The following ATP9B variants were observed in gnomAD, a reference collection of about 807,000 sequenced individuals.
The protein encoded by ATP9B is probable phospholipid-transporting ATPase IIB.
A neutral mutation model predicts 146.1 loss-of-function variants in ATP9B; 110 were observed. That is an observed-to-expected ratio of 0.75 (90% confidence interval 0.65 to 0.88). ATP9B has a LOEUF of 0.88. Ranked by LOEUF, ATP9B falls within the 40% of genes least tolerant of loss-of-function variation. ATP9B has a pLI of 0.00. For missense variants in ATP9B, 1,499 were observed against 1,496.4 expected, an observed-to-expected ratio of 1.00 and a Z score of -0.03; for synonymous variants, 604 against 569.7, an observed-to-expected ratio of 1.06 and a Z score of -0.86.
intron 26 of ATP9B, 84 bp from the exon 27 acceptor site, chr18:79,372,740 GA>G: frequency 1.1e-6 from 1 of 905,212 alleles, no homozygotes; most frequent in Non-Finnish European, 1.9e-6. Context: ...GGGTCTTTCA[GA>G]AGTGACCCAT....
chr18:79,289,934 G>A (rs1035924648), intron 13 of ATP9B, among the ~76,000 whole-genome samples: 16 of 152,158 alleles, frequency 1.1e-4, no homozygotes, highest in East Asian at 3.9e-4. Context: ...GCGGATTTTC[G>A]TGAATCGCGA....
At chr18:79,118,389 T>TG (rs1555689294) in intron 4 of ATP9B, among the ~76,000 whole-genome samples, 26 of 108,498 alleles carry the variant, frequency 2.4e-4, no homozygotes, top group South Asian at 1.3e-3. Flanking sequence ...TGAACGTTTT[T>TG]GTTTTTTTTT....
Position 79,377,198 on chromosome 18 carries a change from C to T in ATP9B, c.3308-49C>T, listed in dbSNP as rs200985776. 5.6e-6 allele frequency: 9 copies of T among 1,604,698 alleles called. No individual in the cohort carries two copies. In the African/African-American group the frequency reaches 1.2e-4, roughly 21 times the overall value. ...GTCTGTGGCTGTGGCCATGAGGGCC[C>T]AGGACTTCTTGGTCAGCTCTTACCT... On this transcript the variant is annotated intron_variant, in intron 29 of 29. Transcript: ENST00000426216.
chr18:79,151,881 G>C (rs1475742579), intron 6 of ATP9B, among the ~76,000 whole-genome samples: 1 of 152,150 alleles, frequency 6.6e-6, no homozygotes, highest in East Asian at 1.9e-4. Context: ...TAAACCCAGA[G>C]TGAGCAGGCA....
In ATP9B at chr18:79,336,627, G is replaced by T. The variant is rs2096828658; in HGVS notation, c.2029-1G>T. 1 of 1,613,738 alleles carries T rather than the reference G, an allele frequency of 6.2e-7. No homozygotes were observed. The highest frequency in any genetic ancestry group is 8.5e-7 in the Non-Finnish European group (1 of 1,179,948). ...CTGTGACTCGGCCTCTCCTTTTCCAGTGCGGAAACATGGCTCGCGAAGGAC... is the reference window on the plus strand; with the variant it reads ...CTGTGACTCGGCCTCTCCTTTTCCATTGCGGAAACATGGCTCGCGAAGGAC... On this transcript the variant is annotated splice_acceptor_variant, in intron 17 of 29. Coordinates refer to ENST00000426216, the MANE Select transcript of ATP9B (RefSeq NM_198531.5). LOFTEE classifies it high-confidence loss of function.
At chr18:79,319,577 A>C (rs796917316) in intron 15 of ATP9B, among the ~76,000 whole-genome samples, 10 of 152,122 alleles carry the variant, frequency 6.6e-5, no homozygotes, top group Non-Finnish European at 1.2e-4. Context: ...TTCCTTCCCT[A>C]CGTCTCCACT....
intron 12 of ATP9B, among the ~76,000 whole-genome samples, chr18:79,266,465 G>A (rs915783342): frequency 1.3e-5 from 2 of 151,076 alleles, no homozygotes; most frequent in Non-Finnish European, 1.5e-5. Context: ...CCTTGTTTCT[G>A]CAGCAAAGAT....
chr18:79,118,028 C>T (rs1460093942), intron 4 of ATP9B: 1 of 152,164 alleles, frequency 6.6e-6, no homozygotes, highest in Non-Finnish European at 1.5e-5. Context: ...CATATCAACA[C>T]ATATATCTAC....
chr18:79,080,365 A>G (rs193132196), intron 1 of ATP9B, among the ~76,000 whole-genome samples: 3 of 152,068 alleles, frequency 2.0e-5, no homozygotes, highest in Admixed American at 6.5e-5. Flanking sequence ...CACATCCCTT[A>G]TAAGTTGTAT....
At chr18:79,365,151 C>A (rs940639452) in intron 26 of ATP9B, among the ~76,000 whole-genome samples, 2 of 151,888 alleles carry the variant, frequency 1.3e-5, no homozygotes, top group Admixed American at 6.6e-5. Context: ...ATATAAGAAA[C>A]CCCCAAAATT....
chr18:79,117,724 T>C (rs1347290656), intron 4 of ATP9B: 1 of 152,216 alleles, frequency 6.6e-6, no homozygotes, highest in African/African-American at 2.4e-5. Context: ...CACTGAAGTG[T>C]ATACAACAGA....
At chr18:79,140,377 A>C (rs2094498980) in intron 5 of ATP9B, among the ~76,000 whole-genome samples, 1 of 152,182 alleles carries the variant, frequency 6.6e-6, no homozygotes, top group Non-Finnish European at 1.5e-5. Flanking sequence ...TTCATTTGGA[A>C]TTAGGGAAAT....
intron 29 of ATP9B, 52 bp from the exon 30 acceptor site, chr18:79,377,195 G>T (rs2097107687): frequency 1.9e-6 from 3 of 1,602,852 alleles, no homozygotes; most frequent in African/African-American, 2.7e-5. Flanking sequence ...GGCCATGAGG[G>T]CCCAGGACTT....
chr18:79,160,376 G>A (rs1025510504), intron 7 of ATP9B, among the ~76,000 whole-genome samples: 6 of 152,174 alleles, frequency 3.9e-5, no homozygotes, highest in African/African-American at 1.2e-4. Context: ...ATTTTCAGAG[G>A]TTTTTATACT....
intron 12 of ATP9B, among the ~76,000 whole-genome samples, chr18:79,266,303 T>C (rs1414201581): frequency 3.3e-5 from 5 of 152,122 alleles, no homozygotes; most frequent in Non-Finnish European, 7.4e-5. Flanking sequence ...AAAATTAATT[T>C]TTATAAAATT....
At chr18:79,075,927 C>T (rs1037297897) in intron 1 of ATP9B, among the ~76,000 whole-genome samples, 1 of 151,966 alleles carries the variant, frequency 6.6e-6, no homozygotes, top group Non-Finnish European at 1.5e-5. Flanking sequence ...CAGTGTATTT[C>T]TTTGTGTAGA....
At chr18:79,256,155 T>TA (rs1568508085) in intron 12 of ATP9B, among the ~76,000 whole-genome samples, 2 of 151,070 alleles carry the variant, frequency 1.3e-5, no homozygotes, top group African/African-American at 2.4e-5. Context: ...TGTCTTTTTT[T>TA]TAAAAAACTC....
intron 17 of ATP9B, 147 bp from the exon 18 acceptor site, chr18:79,336,481 C>T: frequency 1.5e-6 from 1 of 672,030 alleles, no homozygotes; most frequent in Non-Finnish European, 2.6e-6. Flanking sequence ...TGTCCCTCTG[C>T]TGAGTTGTCT....
chr18:79,256,853 C>T (rs539171871), intron 12 of ATP9B, among the ~76,000 whole-genome samples: 44 of 152,194 alleles, frequency 2.9e-4, no homozygotes, highest in African/African-American at 4.3e-4. Context: ...GTGCTTCTAG[C>T]GAATCATCCT....
Sources: gnomAD v4.1 joint callset for allele counts (sites outside exome capture counted in the v4.1 genomes callset) on GRCh38, gnomAD v4.1.1 for gene constraint, MANE v1.5 for transcripts, NCBI Gene and HGNC (gene_info 2026-07-23, HGNC 2026-07-21) for gene names.